DYM: variants seen among roughly 807,000 people sequenced by gnomAD.
DYM encodes the protein dyggve-Melchior-Clausen syndrome protein.
DYM carries 78 observed loss-of-function variants against 93.1 expected under a neutral mutation model. That is an observed-to-expected ratio of 0.84 (90% CI 0.70 to 1.01). DYM has a LOEUF of 1.01. Among genes scored for constraint, DYM ranks in the 50% least tolerant of loss-of-function variants. The probability of loss-of-function intolerance (pLI) is 0.00; values close to 1 mark genes in which losing one functional copy is unlikely to be tolerated. For synonymous variants in DYM, 321 were observed against 319.7 expected, an observed-to-expected ratio of 1.00 and a Z score of -0.04; for missense variants, 789 against 845.0, an observed-to-expected ratio of 0.93 and a Z score of 0.82.
chr18:49,289,757 A>G (rs1260525118), intron 8 of DYM, among the ~76,000 whole-genome samples: 10 of 37,218 alleles, frequency 2.7e-4, no homozygotes, highest in South Asian at 7.2e-4. Flanking sequence ...ATATATATAT[A>G]TATATATATA....
intron 17 of DYM, among the ~76,000 whole-genome samples, chr18:49,090,933 A>G (rs532815211): frequency 6.6e-6 from 1 of 152,360 alleles, no homozygotes; most frequent in Non-Finnish European, 1.5e-5. Flanking sequence ...TTTTGTAGCT[A>G]TAAGAATGCA....
chr18:49,242,726 G>C (rs557942272), intron 13 of DYM, among the ~76,000 whole-genome samples: 1 of 152,308 alleles, frequency 6.6e-6, no homozygotes, highest in East Asian at 1.9e-4. Context: ...TTGAGACGGA[G>C]TCTAGCTCAG....
At position 49,405,076 on chromosome 18, in the gene DYM, C is replaced by T. The variant is rs980516051; in HGVS notation, c.141-13431G>A. Among the ~76,000 whole-genome samples the T allele has an allele frequency of 2.6e-5, 4 of 151,104 alleles. No homozygotes were observed. In the East Asian group the frequency reaches 7.7e-4, roughly 29 times the overall value. On this transcript the variant is annotated intron_variant, in intron 2 of 17. Transcript: ENST00000675505. ...AAATTGTCCATTCATGCCTTTTCCT[C>T]ATTTTTTAATGGGGTTATTTGGTTT... is the stretch of plus-strand genomic sequence containing the variant.
chr18:49,083,127 C>T lies in DYM; in HGVS notation c.2025+14275G>A, dbSNP rs558998794. Among the ~76,000 whole-genome samples the T allele has an allele frequency of 3.9e-4, 60 of 152,202 alleles. 1 individual carries two copies. The highest frequency in any genetic ancestry group is 7.6e-4 in the Non-Finnish European group (52 of 68,016). On this transcript the variant is annotated intron_variant, in intron 17 of 17. Transcript: ENST00000675505. Reference sequence around the variant, plus strand: ...CACAACTACTTGACTCTGCTACTGTCGTGTGAAAGGAGACACAGACAATAC... The same window carrying T: ...CACAACTACTTGACTCTGCTACTGTTGTGTGAAAGGAGACACAGACAATAC...
intron 14 of DYM, among the ~76,000 whole-genome samples, chr18:49,171,667 T>G (rs188340909): frequency 1.4e-4 from 22 of 152,272 alleles, no homozygotes; most frequent in African/African-American, 5.3e-4. Flanking sequence ...CTCTCATCTG[T>G]AGACACTGAT....
intron 16 of DYM, among the ~76,000 whole-genome samples, chr18:49,106,301 C>G (rs1249865972): frequency 6.6e-6 from 1 of 152,156 alleles, no homozygotes; most frequent in African/African-American, 2.4e-5. Flanking sequence ...ATTTGTGTCT[C>G]TGCATGTGAG....
At chr18:49,153,675 T>C (rs774601100) in intron 15 of DYM, among the ~76,000 whole-genome samples, 2 of 152,110 alleles carry the variant, frequency 1.3e-5, no homozygotes, top group Non-Finnish European at 2.9e-5. Flanking sequence ...TCCAAACTGA[T>C]AGAAATAAAT....
At chr18:49,457,634 G>A (rs1223133858) in intron 1 of DYM, among the ~76,000 whole-genome samples, 4 of 152,136 alleles carry the variant, frequency 2.6e-5, no homozygotes, top group Admixed American at 6.5e-5. Flanking sequence ...TTAAGTCTCG[G>A]CAAAATATTC....
intron 1 of DYM, among the ~76,000 whole-genome samples, chr18:49,441,098 A>T (rs1241386447): frequency 1.3e-4 from 1 of 7,454 alleles, no homozygotes; most frequent in Non-Finnish European, 2.9e-4. Flanking sequence ...ATTATATATA[A>T]ATATATATTA....
intron 11 of DYM, among the ~76,000 whole-genome samples, chr18:49,268,185 T>C (rs2094604124): frequency 6.6e-6 from 1 of 152,148 alleles, no homozygotes; most frequent in Non-Finnish European, 1.5e-5. Flanking sequence ...GATAACAATA[T>C]ATATATCATA....
intron 1 of DYM, among the ~76,000 whole-genome samples, chr18:49,459,918 C>CGGG (rs573595469): frequency 7.5e-5 from 10 of 133,712 alleles, no homozygotes; most frequent in African/African-American, 1.9e-4. Flanking sequence ...TTCTTTGGGG[C>CGGG]GGGGGGGGCG....
chr18:49,151,376 C>G (rs1479018980), intron 15 of DYM, among the ~76,000 whole-genome samples: 1 of 152,048 alleles, frequency 6.6e-6, no homozygotes, highest in African/African-American at 2.4e-5. Flanking sequence ...TTAAATCAAC[C>G]AAGGAAAGGG....
At chr18:49,317,449 C>T (rs1361780258) in intron 8 of DYM, among the ~76,000 whole-genome samples, 1 of 151,688 alleles carries the variant, frequency 6.6e-6, no homozygotes, top group Non-Finnish European at 1.5e-5. Flanking sequence ...TGAAATGGGG[C>T]AACAGTGAGA....
intron 17 of DYM, among the ~76,000 whole-genome samples, chr18:49,096,269 A>G (rs1388863400): frequency 6.6e-6 from 1 of 152,210 alleles, no homozygotes; most frequent in Admixed American, 6.5e-5. Context: ...TACCGTGTGA[A>G]TCTCCCTGTT....
chr18:49,183,267 T>C (rs2090102792), intron 14 of DYM, among the ~76,000 whole-genome samples: 1 of 152,234 alleles, frequency 6.6e-6, no homozygotes, highest in Admixed American at 6.5e-5. Flanking sequence ...TCATTGATAG[T>C]CTTTTAAAAC....
At chr18:49,185,724 A>G (rs1370860231) in intron 14 of DYM, among the ~76,000 whole-genome samples, 3 of 152,204 alleles carry the variant, frequency 2.0e-5, no homozygotes, top group Non-Finnish European at 4.4e-5. Flanking sequence ...GCGTGTACAC[A>G]TGGCCTCGTT....
At chr18:49,113,057 T>C (rs373478140) in intron 16 of DYM, among the ~76,000 whole-genome samples, 1 of 152,118 alleles carries the variant, frequency 6.6e-6, no homozygotes, top group South Asian at 2.1e-4. Context: ...AGAAAGACTA[T>C]AGAAGAAAAT....
chr18:49,339,254 G>T (rs754152915), intron 6 of DYM, among the ~76,000 whole-genome samples: 1 of 152,264 alleles, frequency 6.6e-6, no homozygotes, highest in Non-Finnish European at 1.5e-5. Flanking sequence ...GCGTGCATGC[G>T]CACGTGCCAA....
chr18:49,118,595 C>G, intron 16 of DYM, 149 bp downstream of exon 16: 1 of 745,912 alleles, frequency 1.3e-6, no homozygotes, highest in South Asian at 1.6e-5. Context: ...ACACAGATTA[C>G]CACAACTATT....
Sources: gnomAD v4.1 joint callset for allele counts (sites outside exome capture counted in the v4.1 genomes callset) on GRCh38, gnomAD v4.1.1 for gene constraint, MANE v1.5 for transcripts, NCBI Gene and HGNC (gene_info 2026-07-23, HGNC 2026-07-21) for gene names.